TRIM24: variants seen among roughly 807,000 people sequenced by gnomAD.
TRIM24 encodes the protein transcription intermediary factor 1-alpha.
A neutral mutation model predicts 123.9 loss-of-function variants in TRIM24; 29 were observed. The ratio of observed to expected loss-of-function variants is 0.23; its 90% confidence interval spans 0.17 to 0.32. The LOEUF is 0.32. Among genes scored for constraint, TRIM24 ranks in the 10% least tolerant of loss-of-function variants. The pLI, the probability that TRIM24 is intolerant of heterozygous loss-of-function variation, is 1.00. For synonymous variants in TRIM24, 456 were observed against 461.1 expected (o/e 0.99, Z 0.14); for missense variants, 932 against 1,295.3 (o/e 0.72, Z 4.31).
At chr7:138,522,380 A>T (rs1796522585) in intron 4 of TRIM24, among the ~76,000 whole-genome samples, 1 of 152,158 alleles carries the variant, frequency 6.6e-6, no homozygotes, top group Admixed American at 6.5e-5. Context: ...CAATTAACAT[A>T]ACGTCTTATG....
chr7:138,558,097 C>T (rs1797352452), intron 9 of TRIM24, among the ~76,000 whole-genome samples: 1 of 152,150 alleles, frequency 6.6e-6, no homozygotes, highest in Non-Finnish European at 1.5e-5. Flanking sequence ...AGTACACAGG[C>T]CTCTGGCAGC....
At chr7:138,551,023 T>A in intron 7 of TRIM24, 40 bp from the exon 8 acceptor site, 1 of 1,538,668 alleles carries the variant, frequency 6.5e-7, no homozygotes, top group East Asian at 2.2e-5. Context: ...CTTAATAAAT[T>A]ATTTGCCTAA....
chr7:138,496,725 T>A (rs934973982), intron 1 of TRIM24, among the ~76,000 whole-genome samples: 8 of 152,128 alleles, frequency 5.3e-5, no homozygotes, highest in Non-Finnish European at 7.3e-5. Context: ...GGTCTTGAAC[T>A]CCAGGCCTGT....
intron 1 of TRIM24, among the ~76,000 whole-genome samples, chr7:138,500,712 T>C (rs892393507): frequency 5.3e-5 from 8 of 151,184 alleles, no homozygotes; most frequent in African/African-American, 1.7e-4. Context: ...AGTCTGTACA[T>C]TAAAAAAAAA....
rs778821747 is a variant in TRIM24 at position 138,584,707 on chromosome 7, TC to T, written c.2944-33del. ...TATAATCTCAGAAGTCAAAAGTGTG[TC>T]CTTTTTTTACTCATTTTTATTTTTA... is the stretch of plus-strand genomic sequence containing the variant. On this transcript the variant is annotated intron_variant, in intron 18 of 18. Transcript: ENST00000343526. 1.5e-5 allele frequency: 22 copies of T among 1,514,248 alleles called. No homozygotes were observed. In the East Asian group the frequency reaches 2.5e-4, roughly 17 times the overall value. 93.8% of individuals were successfully genotyped at this position (1,514,248 alleles called of 1,614,324 possible). A position where few individuals can be genotyped will look rare whatever the true frequency, so the allele number is the denominator to read the frequency against.
chr7:138,536,325 T>C, intron 6 of TRIM24, among the ~76,000 whole-genome samples: 1 of 152,206 alleles, frequency 6.6e-6, no homozygotes, highest in Non-Finnish European at 1.5e-5. Flanking sequence ...TTCTGCTCTG[T>C]TTTTTCCCCA....
In TRIM24 at chr7:138,524,579, GTACATT is replaced by G. The variant is rs548814866; in HGVS notation, c.765-660_765-655del. 5.1e-4 allele frequency among the ~76,000 whole-genome samples: 77 copies of G among 152,086 alleles called. No homozygotes were observed. The East Asian group carries it at 0.011, about 21-fold the overall frequency. ...TGTTAATTTAGAAATACTGTATTTT[GTACATT>G]TTATAGAAAAACTTAAATAAAATTC... On this transcript the variant is annotated intron_variant, in intron 4 of 18. Coordinates refer to ENST00000343526, the MANE Select transcript of TRIM24 (RefSeq NM_015905.3).
Position 138,588,237 on chromosome 7 carries a change from G to C in TRIM24, c.*3286G>C, listed in dbSNP as rs1335135845. ...CTTACGTTTGAGTTCCAAGGAGAGA[G>C]AGTGAGAAGAGGAACTCCTTTTGCT... On this transcript the variant is annotated 3_prime_UTR_variant, in exon 19 of 19. Transcript: ENST00000343526. 1 of 152,212 alleles carries C rather than the reference G, an allele frequency of 6.6e-6. No individual in the cohort carries two copies. Among genetic ancestry groups the C allele is most frequent in the Non-Finnish European group, 1.5e-5 (1 of 68,042 alleles). The allele number at this position is 152,212 out of a possible 1,614,324, so 9.4% of individuals were successfully genotyped here.
At chr7:138,469,628 C>A (rs1295107075) in intron 1 of TRIM24, among the ~76,000 whole-genome samples, 1 of 152,068 alleles carries the variant, frequency 6.6e-6, no homozygotes, top group Non-Finnish European at 1.5e-5. Flanking sequence ...ATTTTGAATA[C>A]ACACTTAGAC....
At chr7:138,512,403 C>T (rs1409811682) in intron 2 of TRIM24, among the ~76,000 whole-genome samples, 5 of 152,140 alleles carry the variant, frequency 3.3e-5, no homozygotes, top group Non-Finnish European at 7.4e-5. Context: ...CTCTGTACTG[C>T]GCGAGTAGAG....
chr7:138,552,127 G>T (rs1257918136), intron 8 of TRIM24, among the ~76,000 whole-genome samples: 2 of 151,874 alleles, frequency 1.3e-5, no homozygotes, highest in African/African-American at 2.4e-5. Context: ...CAGTACAATT[G>T]CATGCTATAC....
At chr7:138,464,490 G>A (rs1285799503) in intron 1 of TRIM24, among the ~76,000 whole-genome samples, 1 of 151,800 alleles carries the variant, frequency 6.6e-6, no homozygotes, top group African/African-American at 2.4e-5. Flanking sequence ...TACAAGCAGG[G>A]GGGCAGACTC....
intron 6 of TRIM24, among the ~76,000 whole-genome samples, chr7:138,534,180 T>C (rs1174187712): frequency 6.6e-6 from 1 of 152,118 alleles, no homozygotes; most frequent in Non-Finnish European, 1.5e-5. Flanking sequence ...GATTCATCAA[T>C]TTTTTTGAAG....
chr7:138,510,761 C>G (rs78703937), intron 2 of TRIM24, among the ~76,000 whole-genome samples: 2,600 of 152,284 alleles, frequency 0.017, 58 homozygotes, highest in African/African-American at 0.056. Flanking sequence ...ACAAATAAAT[C>G]TTCTCTGTGC....
chr7:138,560,465 C>T (rs763016618), intron 9 of TRIM24, among the ~76,000 whole-genome samples: 2 of 152,180 alleles, frequency 1.3e-5, no homozygotes, highest in Non-Finnish European at 2.9e-5. Context: ...TGGCTCGGGG[C>T]AGCTCAGTGA....
intron 6 of TRIM24, among the ~76,000 whole-genome samples, chr7:138,532,959 T>A (rs1257600319): frequency 6.6e-6 from 1 of 152,214 alleles, no homozygotes; most frequent in Non-Finnish European, 1.5e-5. Context: ...CTAGGTATTT[T>A]ATTCTCTTCG....
chr7:138,535,975 A>G (rs1044628674), intron 6 of TRIM24, among the ~76,000 whole-genome samples: 1 of 152,094 alleles, frequency 6.6e-6, no homozygotes, highest in African/African-American at 2.4e-5. Context: ...TTGATCTTCA[A>G]TCACTGATAC....
intron 7 of TRIM24, among the ~76,000 whole-genome samples, chr7:138,549,386 T>C (rs535611782): frequency 1.1e-4 from 16 of 152,112 alleles, no homozygotes; most frequent in Non-Finnish European, 1.5e-4. Context: ...ACTGAGATTG[T>C]GCACTGCCAA....
At chr7:138,503,989 T>C (rs1256522468) in intron 1 of TRIM24, among the ~76,000 whole-genome samples, 13 of 152,226 alleles carry the variant, frequency 8.5e-5, no homozygotes, top group Admixed American at 8.5e-4. Flanking sequence ...TCTGTACGTT[T>C]CTGTTGGAAA....
Sources: gnomAD v4.1 joint callset for allele counts (sites outside exome capture counted in the v4.1 genomes callset) on GRCh38, gnomAD v4.1.1 for gene constraint, MANE v1.5 for transcripts, NCBI Gene and HGNC (gene_info 2026-07-23, HGNC 2026-07-21) for gene names.